EPS15: variants seen among roughly 807,000 people sequenced by gnomAD.
The protein encoded by EPS15 is epidermal growth factor receptor pathway substrate 15.
In EPS15, 72 loss-of-function variants were observed where a neutral mutation model predicts 113.8. That is an observed-to-expected ratio of 0.63 (90% confidence interval 0.52 to 0.77). The LOEUF is 0.77. Among genes scored for constraint, EPS15 ranks in the 30% least tolerant of loss-of-function variants. The probability of loss-of-function intolerance (pLI) is 0.00; values close to 1 mark genes in which losing one functional copy is unlikely to be tolerated. For missense variants in EPS15, 1,048 were observed against 1,045.8 expected, an observed-to-expected ratio of 1.00 and a Z score of -0.03; for synonymous variants, 344 against 363.4, an observed-to-expected ratio of 0.95 and a Z score of 0.61.
At chr1:51,496,237 T>C (rs775025521) in intron 1 of EPS15, among the ~76,000 whole-genome samples, 5 of 152,186 alleles carry the variant, frequency 3.3e-5, no homozygotes, top group African/African-American at 9.7e-5. Flanking sequence ...TAAGTGTTGG[T>C]AACAGGATTA....
intron 21 of EPS15, among the ~76,000 whole-genome samples, chr1:51,374,927 C>T (rs2148368576): frequency 6.6e-6 from 1 of 151,082 alleles, no homozygotes; most frequent in South Asian, 2.1e-4. Flanking sequence ...CTGTCTGCCT[C>T]GGCCTCCCAA....
chr1:51,501,528 G>GGAGT (rs886773068), intron 1 of EPS15, among the ~76,000 whole-genome samples: 4 of 151,872 alleles, frequency 2.6e-5, no homozygotes, highest in South Asian at 2.1e-4. Context: ...CACCCAGGCT[G>GGAGT]GAGTGCAGTG....
At chr1:51,500,947 G>A (rs899675233) in intron 1 of EPS15, among the ~76,000 whole-genome samples, 1 of 150,878 alleles carries the variant, frequency 6.6e-6, no homozygotes, top group Non-Finnish European at 1.5e-5. Flanking sequence ...TCGAGCCACT[G>A]CACTCCAGCC....
chr1:51,428,306 A>G (rs1651395901), intron 12 of EPS15, among the ~76,000 whole-genome samples: 1 of 152,236 alleles, frequency 6.6e-6, no homozygotes, highest in African/African-American at 2.4e-5. Context: ...TATGAAGATA[A>G]AAAGATCTCC....
At chr1:51,493,719 A>G (rs1322531559) in intron 1 of EPS15, among the ~76,000 whole-genome samples, 1 of 150,596 alleles carries the variant, frequency 6.6e-6, no homozygotes, top group African/African-American at 2.4e-5. Flanking sequence ...TCTGGGTTCA[A>G]GCGATTCTCC....
chr1:51,413,133 C>T (rs1369258064), intron 13 of EPS15, among the ~76,000 whole-genome samples: 5 of 152,136 alleles, frequency 3.3e-5, no homozygotes, highest in Admixed American at 3.3e-4. Context: ...ATTTCAATGA[C>T]CCTATGCCTT....
chr1:51,447,194 A>T, intron 9 of EPS15, 89 bp from the exon 10 acceptor site: 1 of 1,093,068 alleles, frequency 9.1e-7, no homozygotes, highest in Non-Finnish European at 1.3e-6. Context: ...ATCCATCACA[A>T]ATTCTGAACA....
intron 8 of EPS15, among the ~76,000 whole-genome samples, chr1:51,452,228 T>C (rs1653635064): frequency 6.6e-6 from 1 of 151,990 alleles, no homozygotes; most frequent in Non-Finnish European, 1.5e-5. Flanking sequence ...CATATAATCA[T>C]ATATTAAGTT....
intron 1 of EPS15, among the ~76,000 whole-genome samples, chr1:51,515,608 A>G (rs1283757112): frequency 6.6e-6 from 1 of 152,256 alleles, no homozygotes; most frequent in Non-Finnish European, 1.5e-5. Flanking sequence ...CAATAGCACT[A>G]ACTTTGAACA....
At chr1:51,379,340 G>A (rs1022786072) in intron 21 of EPS15, among the ~76,000 whole-genome samples, 10 of 151,908 alleles carry the variant, frequency 6.6e-5, no homozygotes, top group Non-Finnish European at 1.2e-4. Context: ...GGCTAGTCTC[G>A]AACTCCTGAC....
At chr1:51,443,054 AATAG>A (rs1381843109) in intron 11 of EPS15, among the ~76,000 whole-genome samples, 3 of 152,220 alleles carry the variant, frequency 2.0e-5, no homozygotes, top group Non-Finnish European at 4.4e-5. Context: ...ATTTTGGGTT[AATAG>A]ATAAGATAGC....
chr1:51,407,632 A>G (rs1188754081), intron 15 of EPS15, among the ~76,000 whole-genome samples: 1 of 152,258 alleles, frequency 6.6e-6, no homozygotes, highest in Non-Finnish European at 1.5e-5. Context: ...TCCTTAAGAA[A>G]AAAGTTTCCA....
intron 13 of EPS15, among the ~76,000 whole-genome samples, chr1:51,417,723 T>C (rs1423488780): frequency 6.6e-6 from 1 of 152,184 alleles, no homozygotes; most frequent in Non-Finnish European, 1.5e-5. Context: ...CTTTAAGGCA[T>C]GAGTGGAATT....
intron 1 of EPS15, among the ~76,000 whole-genome samples, chr1:51,496,484 T>G (rs1227374160): frequency 6.6e-6 from 1 of 152,198 alleles, no homozygotes; most frequent in African/African-American, 2.4e-5. Flanking sequence ...ATAGATAATT[T>G]AAAAGCATAC....
chr1:51,387,779 G>A (rs374873918), intron 21 of EPS15, among the ~76,000 whole-genome samples: 23 of 151,354 alleles, frequency 1.5e-4, no homozygotes, highest in Middle Eastern at 3.4e-3. Context: ...ACTATCCTAA[G>A]TATATATGCA....
intron 12 of EPS15, among the ~76,000 whole-genome samples, chr1:51,427,212 G>T (rs1453372204): frequency 6.6e-6 from 1 of 152,132 alleles, no homozygotes; most frequent in African/African-American, 2.4e-5. Flanking sequence ...AGTTTCTGCA[G>T]CTATAAAATG....
intron 12 of EPS15, among the ~76,000 whole-genome samples, chr1:51,429,028 TCTACAG>T (rs1651472480): frequency 6.6e-6 from 1 of 151,918 alleles, no homozygotes; most frequent in African/African-American, 2.4e-5. Flanking sequence ...AGTAGCTAGG[TCTACAG>T]GTATGCACCA....
At position 51,440,380 on chromosome 1, in the gene EPS15, T is replaced by C. The variant is rs764432247; in HGVS notation, c.1007A>G (p.Asp336Gly). Reference protein sequence around the residue: ...VADFSAIKELDTLNNEIVDLQ... With the variant: ...VADFSAIKELGTLNNEIVDLQ... Reference sequence around the variant, plus strand: ...GTCAACTATTTCATTGTTAAGAGTATCTAGTTCCTTAATAGCAGAGAAATC... The same window carrying C: ...GTCAACTATTTCATTGTTAAGAGTACCTAGTTCCTTAATAGCAGAGAAATC... The change falls in exon 12 of 25, where the codon GAT (aspartate) becomes GGT (glycine). Residue 336 changes from aspartate (D) to glycine (G), a missense_variant. Coordinates refer to ENST00000371733, the MANE Select transcript of EPS15 (RefSeq NM_001981.3). The C allele has an allele frequency of 2.6e-5, 42 of 1,592,264 alleles. No homozygotes were observed. In the Admixed American group the frequency reaches 3.2e-4, roughly 12 times the overall value.
At chr1:51,505,725 T>C (rs1277540783) in intron 1 of EPS15, among the ~76,000 whole-genome samples, 2 of 152,098 alleles carry the variant, frequency 1.3e-5, no homozygotes, top group African/African-American at 4.8e-5. Context: ...AAAAGAACAA[T>C]GGAGCATAAA....
Sources: allele counts gnomAD v4.1 joint callset (sites outside exome capture counted in the v4.1 genomes callset), GRCh38; gene constraint gnomAD v4.1.1; transcripts MANE v1.5; gene names NCBI Gene and HGNC (gene_info 2026-07-23, HGNC 2026-07-21).